ADRA1B: variants seen among roughly 807,000 people sequenced by gnomAD.
ADRA1B encodes the protein alpha-1B adrenergic receptor.
ADRA1B carries 17 observed loss-of-function variants against 17.9 expected under a neutral mutation model. The observed-to-expected ratio is 0.95, with a 90% CI of 0.65 to 1.42. ADRA1B has a LOEUF of 1.42. ADRA1B is among the 40% of genes most tolerant of loss of function. The pLI is 0.00. For missense variants in ADRA1B, 681 were observed against 722.1 expected (o/e 0.94, Z 0.65); for synonymous variants, 366 against 327.6 (o/e 1.12, Z -1.27).
the ADRA1B span, among the ~76,000 whole-genome samples, chr5:159,987,145 G>C: frequency 6.6e-6 from 1 of 152,226 alleles, no homozygotes; most frequent in Non-Finnish European, 1.5e-5. Flanking sequence ...GGACGAGCCC[G>C]GTTCCAGAAA....
chr5:159,957,929 CAAA>C (rs35956137), intron 1 of ADRA1B, among the ~76,000 whole-genome samples: 24 of 66,862 alleles, frequency 3.6e-4, no homozygotes, highest in East Asian at 2.6e-3. Flanking sequence ...AACCCCATCT[CAAA>C]AAAAAAAAAA....
chr5:159,937,729 T>A (rs182376033), intron 1 of ADRA1B: 3 of 152,328 alleles, frequency 2.0e-5, no homozygotes, highest in African/African-American at 4.8e-5. Context: ...ATTACAGGGG[T>A]GAGCCACCAT....
chr5:159,881,299 T>TTC (rs11471058), intron 1 of ADRA1B, among the ~76,000 whole-genome samples: 64 of 132,064 alleles, frequency 4.8e-4, no homozygotes, highest in Non-Finnish European at 7.1e-4. Flanking sequence ...TATCAGAAAG[T>TTC]TCTCTCTCTC....
chr5:159,956,803 C>T (rs1755558345), intron 1 of ADRA1B, among the ~76,000 whole-genome samples: 1 of 152,218 alleles, frequency 6.6e-6, no homozygotes, highest in South Asian at 2.1e-4. Flanking sequence ...TTTTCCCACA[C>T]ACTTGCCAAA....
At position 159,916,680 on chromosome 5, in the gene ADRA1B, C is replaced by G; in HGVS notation, c.-226C>G. The G allele has an allele frequency of 3.8e-6, 2 of 522,026 alleles. No individual in the cohort carries two copies. 32.3% of individuals were successfully genotyped at this position (522,026 alleles called of 1,614,324 possible). ...ACCATTAAACTTGGAGCTGCCGCCT[C>G]GTCCCCTCTCCTCCTCCTCCTCCCT... On this transcript the variant is annotated 5_prime_UTR_variant, in exon 1 of 2. Transcript: ENST00000306675.
At chr5:159,908,003 G>A (rs995628163) in intron 1 of ADRA1B, among the ~76,000 whole-genome samples, 2 of 151,218 alleles carry the variant, frequency 1.3e-5, no homozygotes, top group East Asian at 1.9e-4. Context: ...TTGCCATCAT[G>A]GGACCAATAA....
At chr5:159,944,459 G>C (rs1420737221) in intron 1 of ADRA1B, among the ~76,000 whole-genome samples, 1 of 152,230 alleles carries the variant, frequency 6.6e-6, no homozygotes, top group African/African-American at 2.4e-5. Context: ...ACAGAGAAAG[G>C]CTAACACTTA....
chr5:159,955,059 C>A (rs1011300939), intron 1 of ADRA1B: 6 of 802,124 alleles, frequency 7.5e-6, no homozygotes, highest in Non-Finnish European at 9.1e-6. Flanking sequence ...CATTCAGCAG[C>A]AAAGACTAAT....
the ADRA1B span, among the ~76,000 whole-genome samples, chr5:159,980,425 C>T: frequency 6.6e-6 from 1 of 152,190 alleles, no homozygotes; most frequent in South Asian, 2.1e-4. Flanking sequence ...AATGTTTTCT[C>T]TTACTAGATC....
At chr5:159,959,013 T>C (rs1279128650) in intron 1 of ADRA1B, among the ~76,000 whole-genome samples, 3 of 152,160 alleles carry the variant, frequency 2.0e-5, no homozygotes, top group Non-Finnish European at 4.4e-5. Context: ...TTGGAATGGG[T>C]CAATCAGTTA....
In ADRA1B at chr5:159,916,607, T is replaced by G; in HGVS notation, c.-299T>G. On this transcript the variant is annotated 5_prime_UTR_variant, in exon 1 of 2. Coordinates refer to ENST00000306675, the MANE Select transcript of ADRA1B (RefSeq NM_000679.4). The stretch of plus-strand genomic sequence containing the variant: ...GGGCGCCCCCGGCCCTGCCGCCCCC[T>G]CCTCCCCGCCGCTCCCCCGCGAGCC... The G allele has an allele frequency of 6.7e-6, 1 of 150,116 alleles. No homozygotes were observed. The allele number at this position is 150,116 out of a possible 1,614,324, so 9.3% of individuals were successfully genotyped here.
chr5:159,952,888 G>A (rs77305681), intron 1 of ADRA1B, among the ~76,000 whole-genome samples: 4,356 of 152,250 alleles, frequency 0.029, 203 homozygotes, highest in African/African-American at 0.099. Context: ...AGGACACTGC[G>A]TAAGAAGCCA....
At chr5:159,931,009 T>TTA (rs950243300) in intron 1 of ADRA1B, among the ~76,000 whole-genome samples, 1 of 147,366 alleles carries the variant, frequency 6.8e-6, no homozygotes, top group Non-Finnish European at 1.5e-5. Flanking sequence ...TTTATAATAT[T>TTA]TATTATATAT....
chr5:159,969,589 G>C (rs953012658), intron 1 of ADRA1B, among the ~76,000 whole-genome samples: 1 of 152,290 alleles, frequency 6.6e-6, no homozygotes. Flanking sequence ...CTCCCATTCA[G>C]ATATGCTCTA....
chr5:159,895,218 C>T (rs984002178), intron 1 of ADRA1B, among the ~76,000 whole-genome samples: 2 of 152,202 alleles, frequency 1.3e-5, no homozygotes, highest in Non-Finnish European at 2.9e-5. Context: ...AAGACACTAC[C>T]CTTCTAGACC....
chr5:159,959,210 C>T (rs576208711), intron 1 of ADRA1B, among the ~76,000 whole-genome samples: 1 of 152,254 alleles, frequency 6.6e-6, no homozygotes, highest in Admixed American at 6.5e-5. Flanking sequence ...AAGAAGAAGT[C>T]TGGAGCAGTC....
chr5:159,865,948 T>G (rs1315174479), intron 1 of ADRA1B, among the ~76,000 whole-genome samples: 2 of 152,186 alleles, frequency 1.3e-5, no homozygotes, highest in African/African-American at 4.8e-5. Context: ...TAAATTATGT[T>G]TTTTAAATAC....
chr5:159,988,554 A>G, the ADRA1B span, among the ~76,000 whole-genome samples: 1 of 152,240 alleles, frequency 6.6e-6, no homozygotes, highest in African/African-American at 2.4e-5. Context: ...GGAGGAGACA[A>G]CCAAGAGACA....
intron 1 of ADRA1B, among the ~76,000 whole-genome samples, chr5:159,954,245 C>T (rs1755507084): frequency 6.6e-6 from 1 of 152,174 alleles, no homozygotes; most frequent in Non-Finnish European, 1.5e-5. Flanking sequence ...TTATTCCTCA[C>T]AGTTCTGGAG....
Sources: gnomAD v4.1 joint callset for allele counts (sites outside exome capture counted in the v4.1 genomes callset) on GRCh38, gnomAD v4.1.1 for gene constraint, MANE v1.5 for transcripts, NCBI Gene and HGNC (gene_info 2026-07-23, HGNC 2026-07-21) for gene names.